Variants in THRB observed in about 807,000 individuals in gnomAD.
The protein encoded by THRB is nuclear receptor subfamily 1 group A member 2.
Under a neutral mutation model 47.8 loss-of-function variants are expected in THRB, and 12 were observed. That is an observed-to-expected ratio of 0.25 (90% CI 0.16 to 0.41). The LOEUF (loss-of-function observed/expected upper bound fraction) is 0.41, where lower values mean the gene tolerates loss of function less well. Ranked by LOEUF, THRB falls within the 10% of genes least tolerant of loss-of-function variation. The pLI is 1.00. For synonymous variants in THRB, 218 were observed against 212.2 expected, an observed-to-expected ratio of 1.03 and a Z score of -0.24; for missense variants, 348 against 589.2, an observed-to-expected ratio of 0.59 and a Z score of 4.24.
intron 1 of THRB, among the ~76,000 whole-genome samples, chr3:24,413,047 A>G (rs992030930): frequency 2.0e-5 from 3 of 151,862 alleles, no homozygotes; most frequent in Admixed American, 1.3e-4. Flanking sequence ...GGTGGATTGT[A>G]AGTTGGTACA....
chr3:24,123,105 C>T lies in THRB; in HGVS notation c.1165G>A (p.Val389Ile). 1 of 1,614,180 alleles carries T rather than the reference C, an allele frequency of 6.2e-7. No individual in the cohort carries two copies. Among genetic ancestry groups the T allele is most frequent in the Non-Finnish European group, 8.5e-7 (1 of 1,180,040 alleles). Residue 389 changes from valine (V) to isoleucine (I), a missense_variant, in exon 11 of 11, where the codon GTT becomes ATT. By Grantham distance (29) the Val-to-Ile change is conservative. Around this residue, in one of 5 missense-constraint regions of THRB, gnomAD observed 36 missense variants for 51.7 expected, o/e 0.70. Transcript: ENST00000646209. ...TCTTGGTACTTTTCTATTCTCTCAA[C>T]ACAGGCAAGCCCCGGGCGATCTGCG... ...MSSDRPGLAC[V>I]ERIEKYQDSF...
intron 3 of THRB, among the ~76,000 whole-genome samples, chr3:24,245,511 G>A (rs984620803): frequency 6.6e-6 from 1 of 152,114 alleles, no homozygotes; most frequent in East Asian, 1.9e-4. Context: ...GTGTGAAAGG[G>A]AAAGAATAAC....
chr3:24,465,184 T>G (rs989187449), intron 1 of THRB, among the ~76,000 whole-genome samples: 6 of 152,212 alleles, frequency 3.9e-5, no homozygotes, highest in Admixed American at 3.3e-4. Flanking sequence ...ATCCTTAGTT[T>G]TGAATTATAT....
chr3:24,230,683 G>T (rs1356504342), intron 3 of THRB, among the ~76,000 whole-genome samples: 1 of 152,040 alleles, frequency 6.6e-6, no homozygotes. Context: ...CACCCCCTCT[G>T]AACCCATGGA....
rs79358890 is a variant in THRB at position 24,238,284 on chromosome 3, G to T, written c.-42-9283C>A. On this transcript the variant is annotated intron_variant, in intron 3 of 10. Transcript: ENST00000646209. ...GTGTATGTGTGTGTGTGTGTGGGGG[G>T]GGGGGGGGTGTGTGGGGTGTGTGTG... 1.4e-3 allele frequency among the ~76,000 whole-genome samples: 196 copies of T among 136,040 alleles called. 5 individuals are homozygous for T. Among genetic ancestry groups the T allele is most frequent in the African/African-American group, 3.5e-3 (132 of 37,720 alleles). 89.2% of individuals were successfully genotyped at this position (136,040 alleles called of 152,430 possible).
At chr3:24,468,363 T>C (rs576549814) in intron 1 of THRB, among the ~76,000 whole-genome samples, 1 of 152,340 alleles carries the variant, frequency 6.6e-6, no homozygotes, top group African/African-American at 2.4e-5. Flanking sequence ...TTCAAGAACT[T>C]TTCCTTTGCA....
At chr3:24,470,069 G>A (rs2074445436) in intron 1 of THRB, among the ~76,000 whole-genome samples, 1 of 152,154 alleles carries the variant, frequency 6.6e-6, no homozygotes, top group African/African-American at 2.4e-5. Flanking sequence ...CTGAAGCCCT[G>A]GCACCTTGCT....
At chr3:24,434,733 G>A (rs1268273061) in intron 1 of THRB, among the ~76,000 whole-genome samples, 1 of 152,108 alleles carries the variant, frequency 6.6e-6, no homozygotes, top group East Asian at 1.9e-4. Flanking sequence ...TTTACTAGCT[G>A]GAGAAAACAA....
chr3:24,188,758 GCACACACA>G (rs10565889), intron 5 of THRB, among the ~76,000 whole-genome samples: 1 of 149,252 alleles, frequency 6.7e-6, no homozygotes. Flanking sequence ...GCACACACGT[GCACACACA>G]CACACACATA....
At chr3:24,474,467 A>C (rs900668254) in intron 1 of THRB, among the ~76,000 whole-genome samples, 1 of 152,172 alleles carries the variant, frequency 6.6e-6, no homozygotes, top group Non-Finnish European at 1.5e-5. Flanking sequence ...TGGCCTTGTA[A>C]TACTTCCAAA....
chr3:24,256,319 G>A (rs1201766632), intron 3 of THRB, among the ~76,000 whole-genome samples: 1 of 152,104 alleles, frequency 6.6e-6, no homozygotes, highest in Non-Finnish European at 1.5e-5. Context: ...AGATGGAGTT[G>A]AAGAGTAAAT....
At chr3:24,495,064 G>A (rs1698838337), upstream of THRB, 1 of 152,260 alleles carries the variant, frequency 6.6e-6, no homozygotes, top group Admixed American at 6.5e-5. Flanking sequence ...TGGGGCACCA[G>A]AGTCCCCGCC....
intron 1 of THRB, among the ~76,000 whole-genome samples, chr3:24,353,651 C>A (rs2063495097): frequency 6.6e-6 from 1 of 152,040 alleles, no homozygotes; most frequent in Non-Finnish European, 1.5e-5. Context: ...TCTGTTTTAT[C>A]ATTTATTTCT....
At chr3:24,344,670 T>C (rs955698992) in intron 1 of THRB, among the ~76,000 whole-genome samples, 50 of 147,934 alleles carry the variant, frequency 3.4e-4, no homozygotes, top group African/African-American at 1.3e-3. Context: ...AACACACATA[T>C]ACACAAATAT....
chr3:24,293,599 C>G (rs2056167972), intron 3 of THRB, among the ~76,000 whole-genome samples: 1 of 152,142 alleles, frequency 6.6e-6, no homozygotes, highest in African/African-American at 2.4e-5. Context: ...TACAAAGGTA[C>G]AGTAATCTAT....
chr3:24,291,879 C>A (rs186394544), intron 3 of THRB, among the ~76,000 whole-genome samples: 346 of 152,136 alleles, frequency 2.3e-3, no homozygotes, highest in Non-Finnish European at 3.3e-3. Flanking sequence ...TGGAATTTAT[C>A]CTGCAGACAT....
intron 4 of THRB, among the ~76,000 whole-genome samples, chr3:24,203,863 C>T (rs879707623): frequency 4.6e-5 from 7 of 152,240 alleles, no homozygotes; most frequent in Non-Finnish European, 8.8e-5. Context: ...GATTATATCC[C>T]ACGCCTGGCT....
intron 1 of THRB, among the ~76,000 whole-genome samples, chr3:24,482,354 G>A (rs1171725907): frequency 6.6e-6 from 1 of 152,322 alleles, no homozygotes; most frequent in South Asian, 2.1e-4. Flanking sequence ...CACAGATAGA[G>A]TGATTGAAGT....
chr3:24,420,703 G>C (rs1349179199), intron 1 of THRB, among the ~76,000 whole-genome samples: 1 of 151,838 alleles, frequency 6.6e-6, no homozygotes, highest in East Asian at 1.9e-4. Flanking sequence ...AAAAATAACT[G>C]ATGCTGGCAA....
Sources: gnomAD v4.1 joint callset for allele counts (sites outside exome capture counted in the v4.1 genomes callset) on GRCh38, gnomAD v4.1.1 for gene constraint, gnomAD v4.1.1 regional missense constraint, MANE v1.5 for transcripts, NCBI Gene and HGNC (gene_info 2026-07-23, HGNC 2026-07-21) for gene names.